Variants in LRRC14 observed in about 807,000 individuals in gnomAD.
LRRC14 encodes the protein leucine rich repeat containing 14.
In LRRC14, 16 loss-of-function variants were observed where a neutral mutation model predicts 25.3. The observed-to-expected ratio is 0.63, with a 90% CI of 0.43 to 0.96. The LOEUF is 0.96. Ranked by LOEUF, LRRC14 falls within the 40% of genes least tolerant of loss-of-function variation. The probability of loss-of-function intolerance (pLI) is 0.00; values close to 1 mark genes in which losing one functional copy is unlikely to be tolerated. For missense variants in LRRC14, 594 were observed against 660.5 expected (o/e 0.90, Z 1.10); for synonymous variants, 359 against 295.1 (o/e 1.22, Z -2.22).
At position 144,525,153 on chromosome 8, in the gene LRRC14, G is replaced by T. The variant is rs966702535; in HGVS notation, c.*3675G>T. 2.8e-5 allele frequency: 17 copies of T among 598,704 alleles called. No homozygotes were observed. The highest frequency in any genetic ancestry group is 2.5e-5 in the Non-Finnish European group (10 of 399,614). 37.1% of individuals were successfully genotyped at this position (598,704 alleles called of 1,614,324 possible). On this transcript the variant is annotated 3_prime_UTR_variant, in exon 4 of 4. Coordinates refer to ENST00000292524, the MANE Select transcript of LRRC14 (RefSeq NM_014665.4). ...AATAGGTTCAAGAAACTAATAAAAC[G>T]TTCTGGTTTTCTCCTTTGACAAAAA...
In LRRC14 at chr8:144,521,417, C is replaced by T. The variant is rs1301023092; in HGVS notation, c.1421C>T (p.Ala474Val). Residue 474 changes from alanine to valine, a missense_variant, in exon 4 of 4, where the codon GCC (alanine) becomes GTC (valine). By Grantham distance (64) the Ala-to-Val change is moderately conservative (BLOSUM62 0). Transcript: ENST00000292524. Reference protein sequence around the residue: ...LHQLLLASGRAHVLWTTDIYG... With the variant: ...LHQLLLASGRVHVLWTTDIYG... ...CAGCTGCTTCTAGCCTCAGGCCGTG[C>T]CCATGTGCTCTGGACCACGGACATC... 3.7e-6 allele frequency: 6 copies of T among 1,610,390 alleles called. No homozygotes were observed. The highest frequency in any genetic ancestry group is 5.1e-6 in the Non-Finnish European group (6 of 1,179,986).
Position 144,524,364 on chromosome 8 carries a change from C to T in LRRC14, c.*2886C>T, listed in dbSNP as rs1187256396. 5 of 1,594,232 alleles carry T rather than the reference C, an allele frequency of 3.1e-6. No individual in the cohort carries two copies. The highest frequency in any genetic ancestry group is 2.2e-5 in the East Asian group (1 of 44,784). The stretch of plus-strand genomic sequence containing the variant: ...TTCTTACCAAGCTAGACTGGGTTGC[C>T]TTTTCTAACTATTCCAGCCCTACAG... On this transcript the variant is annotated 3_prime_UTR_variant, in exon 4 of 4. Coordinates refer to ENST00000292524, the MANE Select transcript of LRRC14 (RefSeq NM_014665.4).
In LRRC14 at chr8:144,522,637, C is replaced by CTTGAAAAAA; in HGVS notation, c.*1160_*1161insTGAAAAAAT. ...CGTGGCCGCGCTCGTCGCGGAGCTC[C>CTTGAAAAAA]TCTAGCTGTGCGAACGTACAGGGGC... On this transcript the variant is annotated 3_prime_UTR_variant, in exon 4 of 4. Transcript: ENST00000292524. 1.3e-6 allele frequency: 2 copies of CTTGAAAAAA among 1,584,102 alleles called. No individual in the cohort carries two copies. The highest frequency in any genetic ancestry group is 2.4e-5 in the East Asian group (1 of 41,762).
chr8:144,520,715 C>T lies in LRRC14; in HGVS notation c.807C>T (p.Gly269=), dbSNP rs79312814. ...HGDSRQPSVD[G]EDNFRYFLAQ... is the part of the protein sequence containing the mutation. Reference sequence around the variant, plus strand: ...ATTCAAGGCAGCCCTCCGTGGATGGCGAGGACAACTTCCGCTACTTCCTTG... The same window carrying T: ...ATTCAAGGCAGCCCTCCGTGGATGGTGAGGACAACTTCCGCTACTTCCTTG... The change falls in exon 3 of 4, where the codon GGC becomes GGT. Residue 269 remains glycine (G), a synonymous_variant. Coordinates refer to ENST00000292524, the MANE Select transcript of LRRC14 (RefSeq NM_014665.4). 4.6e-3 allele frequency: 7,362 copies of T among 1,599,432 alleles called. 281 individuals carry two copies. The African/African-American group carries it at 0.084, about 18-fold the overall frequency.
rs750835117 is a variant in LRRC14, at chr8:144,524,398, G to A, written c.*2920G>A. On this transcript the variant is annotated 3_prime_UTR_variant, in exon 4 of 4. Transcript: ENST00000292524. Reference sequence around the variant, plus strand: ...CTATTCCAGCCCTACAGGGCGAGGGGCCATAATGGAGTATCCCGCCCCTTT... The same window carrying A: ...CTATTCCAGCCCTACAGGGCGAGGGACCATAATGGAGTATCCCGCCCCTTT... 2 of 1,595,170 alleles carry A rather than the reference G, an allele frequency of 1.3e-6. No individual in the cohort carries two copies. Among genetic ancestry groups the A allele is most frequent in the Non-Finnish European group, 1.7e-6 (2 of 1,177,982 alleles).
Position 144,522,577 on chromosome 8 carries a change from G to C in LRRC14, c.*1099G>C, listed in dbSNP as rs973747412. ...CGGGCGCCTCCGCCGGACCCTCGGCGAAGAGCGGCTTGGAGCGGTTGATGA... is the reference window on the plus strand; with the variant it reads ...CGGGCGCCTCCGCCGGACCCTCGGCCAAGAGCGGCTTGGAGCGGTTGATGA... On this transcript the variant is annotated 3_prime_UTR_variant, in exon 4 of 4. Coordinates refer to ENST00000292524, the MANE Select transcript of LRRC14 (RefSeq NM_014665.4). 34 of 1,556,910 alleles carry C rather than the reference G, an allele frequency of 2.2e-5. No individual in the cohort carries two copies. Among genetic ancestry groups the C allele is most frequent in the African/African-American group, 2.8e-5 (2 of 71,084 alleles).
At position 144,524,645 on chromosome 8, in the gene LRRC14, C is replaced by T. The variant is rs765644224; in HGVS notation, c.*3167C>T. 2.0e-6 allele frequency: 3 copies of T among 1,511,460 alleles called. No homozygotes were observed. In the East Asian group the frequency reaches 7.6e-5, roughly 38 times the overall value. The allele number at this position is 1,511,460 out of a possible 1,614,324, so 93.6% of individuals were successfully genotyped here. A position where few individuals can be genotyped will look rare whatever the true frequency, so the allele number is the denominator to read the frequency against. On this transcript the variant is annotated 3_prime_UTR_variant, in exon 4 of 4. Transcript: ENST00000292524. ...GCAGGCTGTTGTTGTGCAGGTAGAG[C>T]CGGCGCAGAGCGGCGAGTGGCGCCA...
intron 2 of LRRC14, 57 bp downstream of exon 2, chr8:144,520,111 G>A (rs1815898167): frequency 1.3e-6 from 2 of 1,575,176 alleles, no homozygotes; most frequent in African/African-American, 2.7e-5. Flanking sequence ...GTCCCCTGAG[G>A]AGGCTTGGGT....
chr8:144,521,536 CT>C lies in LRRC14; in HGVS notation c.*61del, dbSNP rs200351812. 3.5e-3 allele frequency: 5,311 copies of C among 1,496,946 alleles called. 36 individuals carry two copies. The highest frequency in any genetic ancestry group is 0.022 in the African/African-American group (1,617 of 72,404). 92.7% of individuals were successfully genotyped at this position (1,496,946 alleles called of 1,614,324 possible). A position where few individuals can be genotyped will look rare whatever the true frequency, so the allele number is the denominator to read the frequency against. ...TGCAGTCTCTTTAGGTAGGCAGGGC[CT>C]TTGCTGGGACCCCTGGTGGAGGCCT... On this transcript the variant is annotated 3_prime_UTR_variant, in exon 4 of 4. Coordinates refer to ENST00000292524, the MANE Select transcript of LRRC14 (RefSeq NM_014665.4).
intron 2 of LRRC14, 88 bp from the exon 3 acceptor site, chr8:144,520,150 G>A: frequency 6.4e-7 from 1 of 1,565,082 alleles, no homozygotes; most frequent in Non-Finnish European, 8.6e-7. Flanking sequence ...TCATGCAGGA[G>A]CAGGCGCGTT....
rs780315080 is a variant in LRRC14, at chr8:144,520,431, C to T, written c.523C>T (p.Arg175Trp). Residue 175 changes from arginine (R) to tryptophan (W), a missense_variant, in exon 3 of 4, where the codon CGG (arginine) becomes TGG (tryptophan). Arg to Trp is a moderately radical substitution (Grantham distance 101). Coordinates refer to ENST00000292524, the MANE Select transcript of LRRC14 (RefSeq NM_014665.4). ...VEVRVDLRVN[R>W]ASYAFLREAL... ...GGTGCGCGTGGACCTGCGGGTGAAC[C>T]GGGCCTCCTATGCGTTCCTGCGGGA... 5.6e-6 allele frequency: 9 copies of T among 1,599,278 alleles called. No individual in the cohort carries two copies. The highest frequency in any genetic ancestry group is 1.3e-5 in the African/African-American group (1 of 74,786).
chr8:144,521,564 C>G lies in LRRC14; in HGVS notation c.*86C>G. ...TGCTGGGACCCCTGGTGGAGGCCTT[C>G]ACAAAAGCACTGGTTACTGGTTTCC... On this transcript the variant is annotated 3_prime_UTR_variant, in exon 4 of 4. Coordinates refer to ENST00000292524, the MANE Select transcript of LRRC14 (RefSeq NM_014665.4). 7.6e-7 allele frequency: 1 copy of G among 1,311,438 alleles called. No individual in the cohort carries two copies. Among genetic ancestry groups the G allele is most frequent in the South Asian group, 1.4e-5 (1 of 69,238 alleles). 81.2% of individuals were successfully genotyped at this position (1,311,438 alleles called of 1,614,324 possible).
rs771856616 is a variant in LRRC14 at position 144,524,268 on chromosome 8, T to G, written c.*2790T>G. ...AATGCTGTTTTCTTGCAGGTGAAGC[T>G]CCTGCAGTCGCTGAAGTAAGGACAG... On this transcript the variant is annotated 3_prime_UTR_variant, in exon 4 of 4. Transcript: ENST00000292524. 1 of 1,612,008 alleles carries G rather than the reference T, an allele frequency of 6.2e-7. No homozygotes were observed.
At position 144,519,773 on chromosome 8, in the gene LRRC14, G is replaced by A. The variant is rs756535404; in HGVS notation, c.48G>A (p.Gln16=). The change falls in exon 2 of 4, where the codon CAG becomes CAA. Residue 16 remains glutamine, a synonymous_variant. Coordinates refer to ENST00000292524, the MANE Select transcript of LRRC14 (RefSeq NM_014665.4). ...GCACACGGCAGGTGCTGCAGTGCCA[G>A]CCAGCTGCCTGCCAGGCCCTGCCCT... The part of the protein sequence containing the change: ...FLSTRQVLQC[Q]PAACQALPLL... 1.2e-6 allele frequency: 2 copies of A among 1,612,850 alleles called. No homozygotes were observed. The highest frequency in any genetic ancestry group is 1.7e-5 in the Admixed American group (1 of 60,002).
At position 144,523,601 on chromosome 8, in the gene LRRC14, CT is replaced by C. The variant is rs1816222655; in HGVS notation, c.*2124del. ...CGGCAGGCCCTTCACCCTCGCCCCC[CT>C]CCCCTTTAGCTCTGTGATGCCTGCC... On this transcript the variant is annotated 3_prime_UTR_variant, in exon 4 of 4. Coordinates refer to ENST00000292524, the MANE Select transcript of LRRC14 (RefSeq NM_014665.4). 2.4e-6 allele frequency: 2 copies of C among 838,030 alleles called. No individual in the cohort carries two copies. The highest frequency in any genetic ancestry group is 3.7e-5 in the Admixed American group (1 of 26,780). 51.9% of individuals were successfully genotyped at this position (838,030 alleles called of 1,614,324 possible).
At position 144,525,082 on chromosome 8, in the gene LRRC14, T is replaced by C. The variant is rs768744814; in HGVS notation, c.*3604T>C. ...GTCTCGGCAGTCGAGAGCCAGCCAA[T>C]AGATGGAATGGAGGCCTGCACCTGC... is the stretch of plus-strand genomic sequence containing the variant. On this transcript the variant is annotated 3_prime_UTR_variant, in exon 4 of 4. Transcript: ENST00000292524. 428 of 1,256,110 alleles carry C rather than the reference T, an allele frequency of 3.4e-4. No homozygotes were observed. Among genetic ancestry groups the C allele is most frequent in the Non-Finnish European group, 4.1e-4 (399 of 974,410 alleles). 77.8% of individuals were successfully genotyped at this position (1,256,110 alleles called of 1,614,324 possible).
Position 144,520,633 on chromosome 8 carries a change from C to T in LRRC14, c.725C>T (p.Pro242Leu). 1 of 1,602,030 alleles carries T rather than the reference C, an allele frequency of 6.2e-7. No homozygotes were observed. Among genetic ancestry groups the T allele is most frequent in the Non-Finnish European group, 8.5e-7 (1 of 1,179,944 alleles). Residue 242 changes from proline to leucine, a missense_variant, in exon 3 of 4, where the codon CCA (proline) becomes CTA (leucine). Physicochemically the swap from Pro to Leu is moderately conservative, Grantham distance 98. Transcript: ENST00000292524. ...CTGCGCGGCCTGTCTGTGATCATCC[C>T]ACACGTGGCCCGCTTCCAGCACCTG... Reference protein sequence around the residue: ...LGLRGLSVIIPHVARFQHLAS... With the variant: ...LGLRGLSVIILHVARFQHLAS...
At position 144,524,123 on chromosome 8, in the gene LRRC14, G is replaced by A. The variant is rs1462888591; in HGVS notation, c.*2645G>A. The A allele has an allele frequency of 6.2e-7, 1 of 1,602,902 alleles. No homozygotes were observed. Among genetic ancestry groups the A allele is most frequent in the African/African-American group, 1.3e-5 (1 of 74,812 alleles). ...AGGAAGAGGTACCTGTGAGGCGCAG[G>A]ACTTGCAGACTGGCCAGGGGCTGCA... On this transcript the variant is annotated 3_prime_UTR_variant, in exon 4 of 4. Coordinates refer to ENST00000292524, the MANE Select transcript of LRRC14 (RefSeq NM_014665.4).
At chr8:144,518,491 CCGT>C (rs1815631604) in intron 1 of LRRC14, 1 of 152,308 alleles carries the variant, frequency 6.6e-6, no homozygotes, top group African/African-American at 2.4e-5. Flanking sequence ...TGGTGTTCTC[CCGT>C]GACAAGTGCT....
Sources: gnomAD v4.1 joint callset for allele counts on GRCh38, gnomAD v4.1.1 for gene constraint, MANE v1.5 for transcripts, NCBI Gene and HGNC (gene_info 2026-07-23, HGNC 2026-07-21) for gene names.